The following PTK2 variants were observed in gnomAD, a reference collection of about 807,000 sequenced individuals.
PTK2 encodes protein tyrosine kinase 2, also known as focal adhesion kinase 1.
Under a neutral mutation model 150.1 loss-of-function variants are expected in PTK2, and 45 were observed. That is an observed-to-expected ratio of 0.30 (90% confidence interval 0.24 to 0.38). The LOEUF (loss-of-function observed/expected upper bound fraction) is 0.38, where lower values mean the gene tolerates loss of function less well. Ranked by LOEUF, PTK2 falls within the 10% of genes least tolerant of loss-of-function variation. The pLI, the probability that PTK2 is intolerant of heterozygous loss-of-function variation, is 1.00. For synonymous variants in PTK2, 432 were observed against 449.2 expected (o/e 0.96, Z 0.48); for missense variants, 919 against 1,307.3 (o/e 0.70, Z 4.58).
At chr8:140,935,925 G>A (rs939916897) in intron 1 of PTK2, among the ~76,000 whole-genome samples, 2 of 152,006 alleles carry the variant, frequency 1.3e-5, no homozygotes, top group African/African-American at 4.8e-5. Flanking sequence ...GGGATTACAG[G>A]TGTAAGCCAC....
chr8:140,925,987 T>C (rs749995032), intron 1 of PTK2, among the ~76,000 whole-genome samples: 3 of 152,226 alleles, frequency 2.0e-5, no homozygotes, highest in Non-Finnish European at 2.9e-5. Flanking sequence ...CTCATCTACC[T>C]ATCACAACAA....
intron 10 of PTK2, among the ~76,000 whole-genome samples, chr8:140,813,036 C>G (rs1214344071): frequency 6.6e-6 from 1 of 152,124 alleles, no homozygotes; most frequent in Non-Finnish European, 1.5e-5. Flanking sequence ...ATGGACCTGA[C>G]AGACATCTAT....
intron 8 of PTK2, among the ~76,000 whole-genome samples, chr8:140,820,383 G>T (rs1354501000): frequency 6.6e-6 from 1 of 151,884 alleles, no homozygotes; most frequent in Non-Finnish European, 1.5e-5. Context: ...TTATAGGCAT[G>T]AGCCACCGCA....
intron 5 of PTK2, among the ~76,000 whole-genome samples, chr8:140,846,985 A>T (rs1404955118): frequency 6.6e-6 from 1 of 152,216 alleles, no homozygotes; most frequent in Non-Finnish European, 1.5e-5. Context: ...AAAAATAATT[A>T]AAGAAATAAA....
chr8:140,675,364 A>G lies in PTK2; in HGVS notation c.2602+96T>C, dbSNP rs185973157. ...GTGGTCTGTAGAGGAAAAATTAACC[A>G]TGAGGGTATTCCAAAGCTACGACAC... On this transcript the variant is annotated intron_variant, in intron 28 of 31. Coordinates refer to ENST00000522684, the Ensembl canonical transcript of PTK2. 4,191 of 1,338,992 alleles carry G rather than the reference A, an allele frequency of 3.1e-3. 10 individuals carry two copies. Among genetic ancestry groups the G allele is most frequent in the Non-Finnish European group, 3.6e-3 (3,373 of 943,658 alleles). The allele number at this position is 1,338,992 out of a possible 1,614,324, so 82.9% of individuals were successfully genotyped here.
At chr8:140,874,550 G>GA (rs2100144463) in intron 4 of PTK2, among the ~76,000 whole-genome samples, 1 of 152,078 alleles carries the variant, frequency 6.6e-6, no homozygotes, top group African/African-American at 2.4e-5. Context: ...GAGTAGAGAA[G>GA]AAACAGCTGA....
chr8:140,981,898 A>C (rs1184133015), intron 1 of PTK2, among the ~76,000 whole-genome samples: 1 of 152,140 alleles, frequency 6.6e-6, no homozygotes, highest in Non-Finnish European at 1.5e-5. Flanking sequence ...TCCTTCCTCC[A>C]GGTTCTCAGA....
intron 1 of PTK2, among the ~76,000 whole-genome samples, chr8:141,000,126 C>CACACACACACACACACACACA (rs1555522723): frequency 3.1e-4 from 44 of 142,718 alleles, no homozygotes; most frequent in African/African-American, 4.6e-4. Context: ...CACACACACA[C>CACACACACACACACACACACA]CCCTTCTTCT....
chr8:140,706,892 A>C (rs2100034113), intron 23 of PTK2, among the ~76,000 whole-genome samples: 1 of 152,196 alleles, frequency 6.6e-6, no homozygotes, highest in South Asian at 2.1e-4. Context: ...GTAAACACAA[A>C]CATGTACATG....
intron 7 of PTK2, among the ~76,000 whole-genome samples, chr8:140,838,772 C>T (rs1015162193): frequency 2.0e-5 from 3 of 151,970 alleles, no homozygotes; most frequent in South Asian, 2.1e-4. Flanking sequence ...TTTGGGAGGC[C>T]GAGGCGGGCG....
At chr8:140,746,992 GT>G (rs2100059279) in intron 17 of PTK2, 132 bp from the exon 21 acceptor site, 2 of 608,932 alleles carry the variant, frequency 3.3e-6, no homozygotes, top group East Asian at 6.1e-5. Context: ...CTGGGTTCAA[GT>G]GATTCTCCTG....
At chr8:140,778,299 T>C (rs537403305) in intron 14 of PTK2, among the ~76,000 whole-genome samples, 15 of 152,230 alleles carry the variant, frequency 9.9e-5, no homozygotes, top group African/African-American at 3.6e-4. Context: ...ACTGTCTCTA[T>C]CGAAAATACA....
chr8:140,753,000 C>T (rs1028276335), intron 16 of PTK2, among the ~76,000 whole-genome samples: 3 of 152,282 alleles, frequency 2.0e-5, no homozygotes, highest in Non-Finnish European at 2.9e-5. Context: ...TAGAAAGATG[C>T]GACTTTTACT....
rs2095217560 is a variant in PTK2 at position 140,670,708 on chromosome 8, A to C, written c.2710-2284T>G. Among the ~76,000 whole-genome samples, 3 of 152,080 alleles carry C rather than the reference A, an allele frequency of 2.0e-5. No homozygotes were observed. In the South Asian group the frequency reaches 6.2e-4, roughly 32 times the overall value. On this transcript the variant is annotated intron_variant, in intron 29 of 31. Transcript: ENST00000522684. ...CTACTATAACCACACCATTTCCAAG[A>C]GATGACTTCCTGTATTTTATTTTCT...
chr8:140,789,847 C>T (rs1003649796), intron 13 of PTK2, among the ~76,000 whole-genome samples: 13 of 152,126 alleles, frequency 8.5e-5, no homozygotes, highest in African/African-American at 3.1e-4. Context: ...ATGCTACACA[C>T]TAAAGGATTG....
chr8:140,690,290 C>G (rs770865637), intron 26 of PTK2, among the ~76,000 whole-genome samples: 98 of 152,078 alleles, frequency 6.4e-4, no homozygotes, highest in Non-Finnish European at 1.2e-3. Context: ...CTTGATCTGC[C>G]GCCCAGGTCA....
rs547561662 is a variant in PTK2, at chr8:140,889,253, A to G, written c.195+1290T>C. On this transcript the variant is annotated intron_variant, in intron 3 of 31. Coordinates refer to ENST00000522684, the Ensembl canonical transcript of PTK2. ...TTTTTTTTCTTTTTTTTCTTTTGAG[A>G]CAGTCTCACTTTGTTGCCCAGGCTA... is the stretch of plus-strand genomic sequence containing the variant. 6.8e-4 allele frequency among the ~76,000 whole-genome samples: 104 copies of G among 152,106 alleles called. 1 individual carries two copies. Among genetic ancestry groups the G allele is most frequent in the African/African-American group, 2.1e-3 (89 of 41,492 alleles).
chr8:140,793,973 T>C (rs1232161846), intron 12 of PTK2, among the ~76,000 whole-genome samples: 1 of 152,196 alleles, frequency 6.6e-6, no homozygotes, highest in East Asian at 1.9e-4. Context: ...GACTGGCTCA[T>C]GCCGGCCTGA....
At chr8:140,823,328 A>G (rs777533301) in intron 8 of PTK2, among the ~76,000 whole-genome samples, 81 of 152,334 alleles carry the variant, frequency 5.3e-4, no homozygotes, top group Admixed American at 5.1e-3. Context: ...CTAATTCCCA[A>G]CCAGCTGCTG....
Sources: allele counts gnomAD v4.1 joint callset (sites outside exome capture counted in the v4.1 genomes callset), GRCh38; gene constraint gnomAD v4.1.1; transcripts MANE v1.5; gene names NCBI Gene and HGNC (gene_info 2026-07-23, HGNC 2026-07-21).